The following ACSL6 variants were observed in gnomAD, a reference collection of about 807,000 sequenced individuals.
ACSL6 encodes the protein acyl-CoA synthetase long chain family member 6.
In ACSL6, 47 loss-of-function variants were observed where a neutral mutation model predicts 98.2. The observed-to-expected ratio is 0.48, with a 90% CI of 0.38 to 0.61. ACSL6 has a LOEUF of 0.61. Among genes scored for constraint, ACSL6 ranks in the 20% least tolerant of loss-of-function variants. The pLI, the probability that ACSL6 is intolerant of heterozygous loss-of-function variation, is 0.00. For synonymous variants in ACSL6, 362 were observed against 336.9 expected, an observed-to-expected ratio of 1.07 and a Z score of -0.82; for missense variants, 761 against 913.4, an observed-to-expected ratio of 0.83 and a Z score of 2.15.
At chr5:131,970,037 C>G in intron 15 of ACSL6, 91 bp downstream of exon 15, 1 of 1,117,320 alleles carries the variant, frequency 8.9e-7, no homozygotes, top group South Asian at 1.3e-5. Context: ...AGTACCCATG[C>G]AAATTTACTT....
At chr5:131,963,780 A>C (rs1752864926) in intron 17 of ACSL6, among the ~76,000 whole-genome samples, 1 of 152,142 alleles carries the variant, frequency 6.6e-6, no homozygotes, top group Admixed American at 6.5e-5. Flanking sequence ...AATCTCTCCA[A>C]AAGAGAAAAA....
At chr5:131,985,301 C>T (rs576050842) in intron 9 of ACSL6, 106 bp downstream of exon 9, 2 of 1,422,856 alleles carry the variant, frequency 1.4e-6, no homozygotes, top group African/African-American at 2.8e-5. Flanking sequence ...CAAGACAAGG[C>T]TCAGCCCATT....
At chr5:131,972,694 C>T in intron 13 of ACSL6, 30 bp downstream of exon 13, 3 of 1,612,248 alleles carry the variant, frequency 1.9e-6, no homozygotes, top group Non-Finnish European at 2.5e-6. Flanking sequence ...ACTTAGGTGT[C>T]ACTCTATAAT....
At chr5:131,963,925 A>G (rs1210998659) in intron 17 of ACSL6, among the ~76,000 whole-genome samples, 1 of 152,210 alleles carries the variant, frequency 6.6e-6, no homozygotes, top group Non-Finnish European at 1.5e-5. Context: ...GAGGATCAGA[A>G]AGCTTAGTTA....
In ACSL6 at chr5:131,954,312, T is replaced by C. The variant is rs778816913; in HGVS notation, c.2091A>G (p.Pro697=). 5.3e-5 allele frequency: 85 copies of C among 1,613,962 alleles called. No individual in the cohort carries two copies. The highest frequency in any genetic ancestry group is 6.9e-5 in the Non-Finnish European group (81 of 1,179,992). The part of the protein sequence containing the change: ...MFSVQNGLLT[P]TLKAKRPELR... ...GCTCAGGTCTCTTAGCTTTTAGTGT[T>C]GGTGTCAGCAAGCCATTTTGAACTG... is the stretch of plus-strand genomic sequence containing the variant. Residue 697 remains proline, a synonymous_variant, in exon 21 of 21, where the codon CCA becomes CCG. Coordinates refer to ENST00000651883, the MANE Select transcript of ACSL6 (RefSeq NM_001009185.3).
chr5:131,974,826 C>A, intron 11 of ACSL6, 67 bp downstream of exon 11: 1 of 1,613,502 alleles, frequency 6.2e-7, no homozygotes, highest in Non-Finnish European at 8.5e-7. Flanking sequence ...CAAGTGGGAG[C>A]CCACTGACTC....
At chr5:131,960,229 C>T (rs1752627980) in intron 19 of ACSL6, among the ~76,000 whole-genome samples, 1 of 151,572 alleles carries the variant, frequency 6.6e-6, no homozygotes. Flanking sequence ...GGGCAAGTTA[C>T]CCCCCTCCCT....
intron 6 of ACSL6, 119 bp from the exon 7 acceptor site, chr5:131,988,345 G>GTATTTA: frequency 7.4e-7 from 1 of 1,349,402 alleles, no homozygotes; most frequent in Non-Finnish European, 1.0e-6. Context: ...CATAGCTTAT[G>GTATTTA]TGTAAATAAA....
rs375419754 is a variant in ACSL6, at chr5:131,967,587, C to A, written c.1596+353G>T. On this transcript the variant is annotated intron_variant, in intron 16 of 20. Coordinates refer to ENST00000651883, the MANE Select transcript of ACSL6 (RefSeq NM_001009185.3). ...GGCTGAGGCAGGAGAATGGTGTGAACCTGGGAGGCGGAGGTTGCAGTGAGC... is the reference window on the plus strand; with the variant it reads ...GGCTGAGGCAGGAGAATGGTGTGAAACTGGGAGGCGGAGGTTGCAGTGAGC... Among the ~76,000 whole-genome samples the A allele has an allele frequency of 4.0e-5, 6 of 151,840 alleles. No homozygotes were observed. In the South Asian group the frequency reaches 6.2e-4, roughly 16 times the overall value.
In ACSL6 at chr5:131,950,481, CT is replaced by C; in HGVS notation, c.*3752del. On this transcript the variant is annotated 3_prime_UTR_variant, in exon 21 of 21. Transcript: ENST00000651883. The stretch of plus-strand genomic sequence containing the variant: ...AGAGGAAATTCAGACTACTAGGATC[CT>C]TTTTTCTTTTCATGTAAATGCTTCC... 4.9e-6 allele frequency: 1 copy of C among 203,612 alleles called. No homozygotes were observed. Among genetic ancestry groups the C allele is most frequent in the East Asian group, 7.5e-5 (1 of 13,284 alleles). The allele number at this position is 203,612 out of a possible 1,614,324, so 12.6% of individuals were successfully genotyped here.
chr5:131,998,607 G>A (rs1357838708), intron 1 of ACSL6, among the ~76,000 whole-genome samples: 2 of 152,038 alleles, frequency 1.3e-5, no homozygotes, highest in African/African-American at 4.8e-5. Context: ...ACTCTCTGCT[G>A]GTCCAGCCTC....
intron 20 of ACSL6, among the ~76,000 whole-genome samples, chr5:131,958,425 C>A (rs1752532714): frequency 6.6e-6 from 1 of 152,184 alleles, no homozygotes; most frequent in Non-Finnish European, 1.5e-5. Flanking sequence ...CAAAATTGAC[C>A]TTTGTCTTTT....
At chr5:131,966,683 C>G in intron 16 of ACSL6, 151 bp from the exon 17 acceptor site, 1 of 722,300 alleles carries the variant, frequency 1.4e-6, no homozygotes, top group Non-Finnish European at 2.4e-6. Context: ...CAAGGAACAG[C>G]CAGCAGCCAT....
At chr5:131,967,323 C>T (rs1298658953) in intron 16 of ACSL6, among the ~76,000 whole-genome samples, 1 of 152,082 alleles carries the variant, frequency 6.6e-6, no homozygotes, top group Non-Finnish European at 1.5e-5. Context: ...CACGCCACTG[C>T]ACTCCAGCCT....
rs556105292 is a variant in ACSL6, at chr5:131,985,275, T to G, written c.916+132A>C. 308 of 1,151,210 alleles carry G rather than the reference T, an allele frequency of 2.7e-4. No individual in the cohort carries two copies. The African/African-American group carries it at 4.1e-3, about 15-fold the overall frequency. 71.3% of individuals were successfully genotyped at this position (1,151,210 alleles called of 1,614,324 possible). ...CTGGGAGGTGCAGGAGGTCACCCAG[T>G]GTCTGGAGCCAGGAACAAGACAAGG... is the stretch of plus-strand genomic sequence containing the variant. On this transcript the variant is annotated intron_variant, in intron 9 of 20. Coordinates refer to ENST00000651883, the MANE Select transcript of ACSL6 (RefSeq NM_001009185.3).
intron 14 of ACSL6, among the ~76,000 whole-genome samples, chr5:131,970,999 C>T (rs547514755): frequency 5.9e-5 from 9 of 152,188 alleles, no homozygotes; most frequent in African/African-American, 1.2e-4. Context: ...AATTTAAGCA[C>T]GCACAATTAT....
chr5:131,966,110 C>T (rs1580635267), intron 17 of ACSL6, among the ~76,000 whole-genome samples: 1 of 152,204 alleles, frequency 6.6e-6, no homozygotes, highest in African/African-American at 2.4e-5. Flanking sequence ...CCTGTTCCTC[C>T]TACTTCACAT....
intron 9 of ACSL6, among the ~76,000 whole-genome samples, chr5:131,981,305 C>T (rs1290171044): frequency 1.4e-5 from 2 of 148,010 alleles, no homozygotes; most frequent in Non-Finnish European, 3.0e-5. Context: ...CCCTGCCATA[C>T]CTTCATAGTC....
At chr5:131,971,772 A>G in intron 13 of ACSL6, 127 bp from the exon 14 acceptor site, 3 of 683,800 alleles carry the variant, frequency 4.4e-6, no homozygotes, top group Non-Finnish European at 7.1e-6. Flanking sequence ...GGGATCAGAA[A>G]GAAGGCCTGA....
Sources: allele counts gnomAD v4.1 joint callset (sites outside exome capture counted in the v4.1 genomes callset), GRCh38; gene constraint gnomAD v4.1.1; transcripts MANE v1.5; gene names NCBI Gene and HGNC (gene_info 2026-07-23, HGNC 2026-07-21).